The following CWF19L2 variants were observed in gnomAD, a reference collection of about 807,000 sequenced individuals.
The protein encoded by CWF19L2 is CWF19 like cell cycle control factor 2.
In CWF19L2, 98 loss-of-function variants were observed where a neutral mutation model predicts 111.7. The observed-to-expected ratio is 0.88, with a 90% confidence interval of 0.75 to 1.04. CWF19L2 has a LOEUF of 1.04. Among genes scored for constraint, CWF19L2 ranks in the 50% least tolerant of loss-of-function variants. CWF19L2 has a pLI of 0.00. For synonymous variants in CWF19L2, 351 were observed against 342.9 expected, an observed-to-expected ratio of 1.02 and a Z score of -0.26; for missense variants, 1,101 against 1,051.4, an observed-to-expected ratio of 1.05 and a Z score of -0.65.
chr11:107,382,382 A>G (rs1199407622), intron 12 of CWF19L2, among the ~76,000 whole-genome samples: 4 of 152,216 alleles, frequency 2.6e-5, no homozygotes, highest in Admixed American at 2.6e-4. Flanking sequence ...GCAACTCATT[A>G]GCTGTGGGGA....
intron 12 of CWF19L2, among the ~76,000 whole-genome samples, chr11:107,382,281 C>T (rs1379977658): frequency 1.3e-5 from 2 of 152,174 alleles, no homozygotes; most frequent in Non-Finnish European, 2.9e-5. Context: ...AGGCAACAGT[C>T]AACAACTATC....
chr11:107,439,487 T>G (rs11212237), intron 5 of CWF19L2, among the ~76,000 whole-genome samples: 1 of 152,106 alleles, frequency 6.6e-6, no homozygotes, highest in Non-Finnish European at 1.5e-5. Context: ...AAAACAGACA[T>G]GTACTTTGAA....
chr11:107,344,801 A>G (rs1370715745), intron 14 of CWF19L2, among the ~76,000 whole-genome samples: 1 of 152,146 alleles, frequency 6.6e-6, no homozygotes, highest in Non-Finnish European at 1.5e-5. Flanking sequence ...GAATTAAGAG[A>G]CTGGATCTTG....
rs1182819251 is a variant in CWF19L2, at chr11:107,348,513, C to CAATTCT, written c.2202+418_2202+423dup. 3.3e-5 allele frequency among the ~76,000 whole-genome samples: 5 copies of CAATTCT among 152,150 alleles called. No homozygotes were observed. In the South Asian group the frequency reaches 6.2e-4, roughly 19 times the overall value. ...ACAAAAACACAGCAGCAGAGAAGAC[C>CAATTCT]AATTCTATCACAGGAAAATACGGCA... On this transcript the variant is annotated intron_variant, in intron 14 of 17. Coordinates refer to ENST00000282251, the MANE Select transcript of CWF19L2 (RefSeq NM_152434.3).
chr11:107,336,845 TAAAC>T (rs1477598219), intron 14 of CWF19L2, 132 bp from the exon 15 acceptor site: 2 of 561,816 alleles, frequency 3.6e-6, no homozygotes, highest in Middle Eastern at 4.6e-4. Context: ...ATAAATAAAA[TAAAC>T]AGTAATATCT....
chr11:107,340,946 T>C (rs112345455), intron 14 of CWF19L2, among the ~76,000 whole-genome samples: 6 of 152,226 alleles, frequency 3.9e-5, no homozygotes, highest in Admixed American at 3.9e-4. Context: ...GTGGATTCCA[T>C]ATTTACAAAT....
chr11:107,328,879 G>T (rs1859801718), intron 17 of CWF19L2, among the ~76,000 whole-genome samples: 1 of 152,080 alleles, frequency 6.6e-6, no homozygotes, highest in Non-Finnish European at 1.5e-5. Flanking sequence ...ACTTGTTTCT[G>T]TAATATGTTA....
chr11:107,341,653 T>C (rs1860006219), intron 14 of CWF19L2, among the ~76,000 whole-genome samples: 1 of 152,196 alleles, frequency 6.6e-6, no homozygotes, highest in Non-Finnish European at 1.5e-5. Context: ...CCTCAAGAGA[T>C]TATATAAAAT....
chr11:107,371,011 T>A (rs1339497437), intron 12 of CWF19L2, among the ~76,000 whole-genome samples: 1 of 99,754 alleles, frequency 1.0e-5, no homozygotes, highest in East Asian at 3.4e-4. Context: ...TTCTAGTTTC[T>A]CTTTTTTTTT....
In CWF19L2 at chr11:107,429,234, A is replaced by C; in HGVS notation, c.998T>G (p.Ile333Ser). 1 of 1,612,454 alleles carries C rather than the reference A, an allele frequency of 6.2e-7. No homozygotes were observed. Among genetic ancestry groups the C allele is most frequent in the Non-Finnish European group, 8.5e-7 (1 of 1,179,506 alleles). Residue 333 changes from isoleucine to serine, a missense_variant, in exon 8 of 18, where the codon ATT (isoleucine) becomes AGT (serine). Ile to Ser is a moderately radical substitution (Grantham distance 142). Transcript: ENST00000282251. ...TAKNSNNEKF[I>S]GDEKDKRPGS... is the part of the protein sequence containing the mutation. Reference sequence around the variant, plus strand: ...AGGTCTCTTATCTTTTTCATCACCAATAAATTTTTCATTATTGCTATTTTT... The same window carrying C: ...AGGTCTCTTATCTTTTTCATCACCACTAAATTTTTCATTATTGCTATTTTT...
intron 12 of CWF19L2, among the ~76,000 whole-genome samples, chr11:107,355,185 G>A (rs1860217101): frequency 6.6e-6 from 1 of 152,160 alleles, no homozygotes. Context: ...GGGCAGCCAA[G>A]GCAGGCGGAT....
At chr11:107,343,123 TA>T (rs1860029195) in intron 14 of CWF19L2, among the ~76,000 whole-genome samples, 1 of 152,232 alleles carries the variant, frequency 6.6e-6, no homozygotes, top group East Asian at 1.9e-4. Flanking sequence ...ACAGCAACAA[TA>T]GGAAACTAGT....
rs780108916 is a variant in CWF19L2 at position 107,429,227 on chromosome 11, A to T, written c.1005T>A (p.Asp335Glu). ...AAGACCCAGGTCTCTTATCTTTTTC[A>T]TCACCAATAAATTTTTCATTATTGC... ...KNSNNEKFIG[D>E]EKDKRPGSLE... The change falls in exon 8 of 18, where the codon GAT (aspartate) becomes GAA (glutamate). Residue 335 changes from aspartate (D) to glutamate (E), a missense_variant. Transcript: ENST00000282251. 6.2e-7 allele frequency: 1 copy of T among 1,612,564 alleles called. No homozygotes were observed. Among genetic ancestry groups the T allele is most frequent in the Admixed American group, 1.7e-5 (1 of 59,768 alleles).
At chr11:107,411,379 T>G (rs1861155541) in intron 10 of CWF19L2, among the ~76,000 whole-genome samples, 1 of 152,114 alleles carries the variant, frequency 6.6e-6, no homozygotes, top group African/African-American at 2.4e-5. Context: ...ATATAAAATT[T>G]ATTTCACTTT....
At chr11:107,360,802 T>C (rs937939944) in intron 12 of CWF19L2, among the ~76,000 whole-genome samples, 7 of 152,236 alleles carry the variant, frequency 4.6e-5, no homozygotes, top group African/African-American at 9.6e-5. Flanking sequence ...AAGATATCTA[T>C]TCATATCCTT....
chr11:107,448,915 T>C (rs1476400093), intron 3 of CWF19L2, among the ~76,000 whole-genome samples: 1 of 151,872 alleles, frequency 6.6e-6, no homozygotes, highest in Non-Finnish European at 1.5e-5. Flanking sequence ...TTAGTTTTGG[T>C]ATAGCAGCCC....
intron 6 of CWF19L2, among the ~76,000 whole-genome samples, chr11:107,435,959 G>T (rs11212232): frequency 0.027 from 4,181 of 152,088 alleles, 105 homozygotes; most frequent in East Asian, 0.11. Flanking sequence ...ATCAAGACCA[G>T]CCTGGCCAAC....
At chr11:107,427,286 G>T (rs939092761) in intron 8 of CWF19L2, among the ~76,000 whole-genome samples, 5 of 151,758 alleles carry the variant, frequency 3.3e-5, no homozygotes, top group African/African-American at 1.2e-4. Flanking sequence ...AGAATTCATA[G>T]AAAGCCTCAA....
At chr11:107,350,362 C>T (rs995321378) in intron 13 of CWF19L2, among the ~76,000 whole-genome samples, 6 of 151,740 alleles carry the variant, frequency 4.0e-5, no homozygotes, top group African/African-American at 1.2e-4. Flanking sequence ...ATCTTAACAC[C>T]CAAGGTGATA....
Sources: gnomAD v4.1 joint callset for allele counts (sites outside exome capture counted in the v4.1 genomes callset) on GRCh38, gnomAD v4.1.1 for gene constraint, MANE v1.5 for transcripts, NCBI Gene and HGNC (gene_info 2026-07-23, HGNC 2026-07-21) for gene names.